DAB1: variants seen among roughly 807,000 people sequenced by gnomAD.
DAB1 encodes disabled homolog 1.
Under a neutral mutation model 64.6 loss-of-function variants are expected in DAB1, and 15 were observed. The ratio of observed to expected loss-of-function variants is 0.23; its 90% CI spans 0.16 to 0.36. The LOEUF is 0.36. Ranked by LOEUF, DAB1 falls within the 10% of genes least tolerant of loss-of-function variation. The pLI, the probability that DAB1 is intolerant of heterozygous loss-of-function variation, is 1.00. For missense variants in DAB1, 596 were observed against 706.7 expected, an observed-to-expected ratio of 0.84 and a Z score of 1.78; for synonymous variants, 235 against 251.9, an observed-to-expected ratio of 0.93 and a Z score of 0.64.
chr1:57,753,096 C>G (rs1042906160), intron 6 of DAB1, among the ~76,000 whole-genome samples: 12 of 152,156 alleles, frequency 7.9e-5, no homozygotes, highest in Non-Finnish European at 8.8e-5. Flanking sequence ...TGTGTTCTGC[C>G]TGAGTCAGGA....
intron 6 of DAB1, among the ~76,000 whole-genome samples, chr1:57,709,442 T>TTC (rs1054181360): frequency 4.6e-5 from 7 of 152,268 alleles, no homozygotes; most frequent in African/African-American, 1.7e-4. Flanking sequence ...TTATCTCTCT[T>TTC]TCTCTCTCTA....
intron 5 of DAB1, among the ~76,000 whole-genome samples, chr1:58,112,763 C>T (rs140561318): frequency 5.3e-5 from 8 of 152,228 alleles, no homozygotes; most frequent in African/African-American, 1.9e-4. Context: ...AATCCTTCAG[C>T]CAGGCATATT....
intron 2 of DAB1, among the ~76,000 whole-genome samples, chr1:57,177,670 CCA>C (rs199923281): frequency 6.6e-6 from 1 of 151,996 alleles, no homozygotes; most frequent in African/African-American, 2.4e-5. Context: ...AATCACTATT[CCA>C]TATAAGGTAA....
At chr1:58,202,149 A>C (rs1658030627) in intron 4 of DAB1, among the ~76,000 whole-genome samples, 1 of 152,256 alleles carries the variant, frequency 6.6e-6, no homozygotes, top group Non-Finnish European at 1.5e-5. Flanking sequence ...GTTAGCTTTA[A>C]AGACAAAAAA....
chr1:58,300,638 GAGAGAGAGAGGAAGGAAGGA>G (rs1357318776), intron 4 of DAB1, among the ~76,000 whole-genome samples: 20 of 61,838 alleles, frequency 3.2e-4, no homozygotes, highest in South Asian at 8.2e-4. Context: ...GAGAGAGAGA[GAGAGAGAGAGGAAGGAAGGA>G]AGGAAGGAAG....
intron 7 of DAB1, among the ~76,000 whole-genome samples, chr1:57,572,735 A>C (rs1432435125): frequency 6.6e-6 from 1 of 152,202 alleles, no homozygotes; most frequent in Non-Finnish European, 1.5e-5. Flanking sequence ...TACTTGACTC[A>C]TGGTTCTGCA....
intron 1 of DAB1, among the ~76,000 whole-genome samples, chr1:57,395,066 C>T (rs1021104497): frequency 7.2e-5 from 11 of 152,084 alleles, no homozygotes; most frequent in African/African-American, 1.4e-4. Flanking sequence ...ACTATGTCAC[C>T]GAGGCTGGAG....
intron 1 of DAB1, chr1:58,534,483 CTG>C: frequency 1.9e-6 from 1 of 519,132 alleles, no homozygotes. Flanking sequence ...TTTCTCAAAT[CTG>C]AATTATTCAT....
chr1:57,383,036 T>C (rs1039091276), intron 1 of DAB1, among the ~76,000 whole-genome samples: 17 of 151,656 alleles, frequency 1.1e-4, no homozygotes, highest in Admixed American at 9.9e-4. Flanking sequence ...ATGAGTCCTA[T>C]GAAAAAAATA....
At chr1:57,066,849 T>C (rs1313644249) in intron 8 of DAB1, among the ~76,000 whole-genome samples, 1 of 152,218 alleles carries the variant, frequency 6.6e-6, no homozygotes, top group Non-Finnish European at 1.5e-5. Flanking sequence ...AAAAATTATG[T>C]TCTCCACTTA....
rs1387764647 is a variant in DAB1, at chr1:57,017,411, C to T, written c.896-1980G>A. Among the ~76,000 whole-genome samples, 5 of 152,176 alleles carry T rather than the reference C, an allele frequency of 3.3e-5. No individual in the cohort carries two copies. The East Asian group carries it at 9.7e-4, about 29-fold the overall frequency. ...TTACGGCATTGATGACATTATGAGT[C>T]ATCTCACTGACTCTTGTGAGCCCAG... On this transcript the variant is annotated intron_variant, in intron 11 of 14. Transcript: ENST00000371236.
At chr1:57,634,909 A>G (rs953545120) in intron 7 of DAB1, among the ~76,000 whole-genome samples, 5 of 152,210 alleles carry the variant, frequency 3.3e-5, no homozygotes, top group African/African-American at 1.2e-4. Context: ...TAAGGTGGTC[A>G]AAGAAGAAAT....
chr1:58,392,528 T>C (rs1040171638), intron 3 of DAB1, among the ~76,000 whole-genome samples: 1 of 152,192 alleles, frequency 6.6e-6, no homozygotes, highest in African/African-American at 2.4e-5. Flanking sequence ...TTTCAACCAT[T>C]TGCTGTCCAC....
chr1:57,449,564 A>G (rs1393678896), intron 7 of DAB1, among the ~76,000 whole-genome samples: 1 of 151,992 alleles, frequency 6.6e-6, no homozygotes, highest in Non-Finnish European at 1.5e-5. Context: ...TTTTTTGTAG[A>G]GATGGGGTCT....
At chr1:57,935,519 G>A (rs569737332) in intron 5 of DAB1, among the ~76,000 whole-genome samples, 2 of 152,278 alleles carry the variant, frequency 1.3e-5, no homozygotes, top group East Asian at 1.9e-4. Flanking sequence ...GCGGGTCAGT[G>A]TTAGGAGAAG....
At chr1:57,543,257 A>G (rs1422565156) in intron 7 of DAB1, among the ~76,000 whole-genome samples, 1 of 152,218 alleles carries the variant, frequency 6.6e-6, no homozygotes, top group Non-Finnish European at 1.5e-5. Flanking sequence ...GAAATGGTTT[A>G]GGCAGAACCA....
At chr1:57,852,785 C>A (rs979271887) in intron 1 of DAB1, among the ~76,000 whole-genome samples, 8 of 152,106 alleles carry the variant, frequency 5.3e-5, no homozygotes, top group Non-Finnish European at 1.0e-4. Flanking sequence ...ATCTGTCACA[C>A]TTACACTTAT....
At chr1:57,142,154 G>A (rs924775324) in intron 3 of DAB1, among the ~76,000 whole-genome samples, 10 of 151,996 alleles carry the variant, frequency 6.6e-5, no homozygotes, top group African/African-American at 2.2e-4. Flanking sequence ...ACAGGCAATG[G>A]GTCACTCATA....
chr1:57,028,932 A>AT (rs948443798), intron 9 of DAB1, among the ~76,000 whole-genome samples: 7 of 152,160 alleles, frequency 4.6e-5, no homozygotes, highest in African/African-American at 1.7e-4. Context: ...GAAAAAAAAA[A>AT]TTTCTGGGGA....
Sources: allele counts gnomAD v4.1 joint callset (sites outside exome capture counted in the v4.1 genomes callset), GRCh38; gene constraint gnomAD v4.1.1; transcripts MANE v1.5; gene names NCBI Gene and HGNC (gene_info 2026-07-23, HGNC 2026-07-21).